NBPF4: variants seen among roughly 807,000 people sequenced by gnomAD.
NBPF4 encodes the protein NBPF family member NBPF4.
In NBPF4, 11 loss-of-function variants were observed where a neutral mutation model predicts 21.1. The observed-to-expected ratio is 0.52, with a 90% CI of 0.33 to 0.86. The LOEUF (loss-of-function observed/expected upper bound fraction) is 0.86. NBPF4 is among the 40% of genes least tolerant of loss of function. The pLI, the probability that NBPF4 is intolerant of heterozygous loss-of-function variation, is 0.03. For missense variants in NBPF4, 88 were observed against 265.3 expected, an observed-to-expected ratio of 0.33 and a Z score of 4.64; for synonymous variants, 47 against 106.4, an observed-to-expected ratio of 0.44 and a Z score of 3.43.
At chr1:108,268,471 C>T in the NBPF4 span, among the ~76,000 whole-genome samples, 34 of 151,790 alleles carry the variant, frequency 2.2e-4, no homozygotes, top group African/African-American at 8.0e-4. Context: ...AGAACATTTT[C>T]CAAGAAATTC....
upstream of NBPF4, among the ~76,000 whole-genome samples, chr1:108,246,556 C>T (rs1300170874): frequency 1.8e-5 from 2 of 111,234 alleles, 1 homozygote; most frequent in African/African-American, 6.5e-5. Flanking sequence ...CCCATCAGTG[C>T]CACTCATTGT....
chr1:108,244,947 T>TACAC (rs372222400), upstream of NBPF4, among the ~76,000 whole-genome samples: 10 of 34,958 alleles, frequency 2.9e-4, no homozygotes, highest in Admixed American at 4.3e-4. Flanking sequence ...TATATATATA[T>TACAC]ACACACACAT....
At chr1:108,225,641 A>AT (rs1467969414) in intron 14 of NBPF4, among the ~76,000 whole-genome samples, 1 of 53,282 alleles carries the variant, frequency 1.9e-5, no homozygotes, top group Non-Finnish European at 3.9e-5. Context: ...GGTTCCATGG[A>AT]TTTTAGCCTT....
At chr1:108,245,291 A>G (rs1286663214), upstream of NBPF4, among the ~76,000 whole-genome samples, 6 of 110,544 alleles carry the variant, frequency 5.4e-5, no homozygotes, top group African/African-American at 2.2e-4. Flanking sequence ...GTGAAGGAGG[A>G]GGACTGGATC....
the NBPF4 span, among the ~76,000 whole-genome samples, chr1:108,268,407 G>A: frequency 6.6e-6 from 1 of 152,176 alleles, no homozygotes; most frequent in East Asian, 1.9e-4. Context: ...TATAAAAACT[G>A]GAGGGGATGT....
chr1:108,259,646 G>C, the NBPF4 span, among the ~76,000 whole-genome samples: 2 of 144,666 alleles, frequency 1.4e-5, no homozygotes, highest in Non-Finnish European at 3.0e-5. Context: ...GCTGAGGCAG[G>C]AGGATCACTG....
the NBPF4 span, among the ~76,000 whole-genome samples, chr1:108,256,112 A>AT: frequency 7.2e-6 from 1 of 138,120 alleles, no homozygotes; most frequent in Non-Finnish European, 1.6e-5. Context: ...GAATTTATCT[A>AT]TTTTCTCTAG....
rs987454711 is a variant in NBPF4 at position 108,222,611 on chromosome 1, T to G, written c.*1094A>C. 2.0e-5 allele frequency among the ~76,000 whole-genome samples: 3 copies of G among 152,198 alleles called. No individual in the cohort carries two copies. Among genetic ancestry groups the G allele is most frequent in the Non-Finnish European group, 4.4e-5 (3 of 68,034 alleles). ...GCCAGCAAAAAGAAATTAAAATTAATTTTGGATGAAAGTTAAAATTTGGGC... is the reference window on the plus strand; with the variant it reads ...GCCAGCAAAAAGAAATTAAAATTAAGTTTGGATGAAAGTTAAAATTTGGGC... On this transcript the variant is annotated 3_prime_UTR_variant, in exon 15 of 15. Coordinates refer to ENST00000415641, the MANE Select transcript of NBPF4 (RefSeq NM_001143989.3).
At chr1:108,258,555 G>A in the NBPF4 span, among the ~76,000 whole-genome samples, 124 of 140,540 alleles carry the variant, frequency 8.8e-4, 12 homozygotes, top group East Asian at 0.013. Flanking sequence ...GGGGTCCTGC[G>A]TATTTACCAG....
upstream of NBPF4, among the ~76,000 whole-genome samples, chr1:108,244,919 T>C (rs1284316179): frequency 2.4e-5 from 1 of 42,396 alleles, no homozygotes; most frequent in Non-Finnish European, 4.4e-5. Flanking sequence ...TATATATATA[T>C]ATATATATAT....
rs575789710 is a variant in NBPF4 at position 108,222,655 on chromosome 1, C to A, written c.*1050G>T. 4.6e-5 allele frequency among the ~76,000 whole-genome samples: 7 copies of A among 152,024 alleles called. No individual in the cohort carries two copies. In the South Asian group the frequency reaches 1.2e-3, roughly 27 times the overall value. On this transcript the variant is annotated 3_prime_UTR_variant, in exon 15 of 15. Coordinates refer to ENST00000415641, the MANE Select transcript of NBPF4 (RefSeq NM_001143989.3). The stretch of plus-strand genomic sequence containing the variant: ...TTTGGGCAGGGAATGATCTTTTTTA[C>A]AAAGAATGCCAGCAAAAGCAAGTAT...
At chr1:108,264,254 G>GA in the NBPF4 span, among the ~76,000 whole-genome samples, 1 of 150,166 alleles carries the variant, frequency 6.7e-6, no homozygotes, top group African/African-American at 2.5e-5. Context: ...GTTTCTGACA[G>GA]AAAAAACTTT....
the NBPF4 span, among the ~76,000 whole-genome samples, chr1:108,264,254 GA>G: frequency 1.3e-5 from 2 of 150,166 alleles, no homozygotes; most frequent in African/African-American, 5.0e-5. Context: ...GTTTCTGACA[GA>G]AAAAACTTTA....
At chr1:108,247,026 CTA>C, upstream of NBPF4, among the ~76,000 whole-genome samples, 1 of 118,478 alleles carries the variant, frequency 8.4e-6, no homozygotes, top group South Asian at 2.9e-4. Flanking sequence ...GGCCCTGTTG[CTA>C]TGCAAAAAGA....
chr1:108,244,902 A>AT (rs1491563788), upstream of NBPF4, among the ~76,000 whole-genome samples: 1 of 4,364 alleles, frequency 2.3e-4, no homozygotes, highest in Non-Finnish European at 4.6e-4. Flanking sequence ...ATTGTTGGAG[A>AT]TATATATATA....
upstream of NBPF4, among the ~76,000 whole-genome samples, chr1:108,247,985 T>G (rs865780421): frequency 2.0e-5 from 3 of 152,078 alleles, no homozygotes; most frequent in Non-Finnish European, 2.9e-5. Context: ...GGCTATTTTT[T>G]TTTTTTAATT....
Position 108,229,032 on chromosome 1 carries a change from T to C in NBPF4, c.1548A>G (p.Leu516=). The C allele has an allele frequency of 6.5e-7, 1 of 1,550,170 alleles. No individual in the cohort carries two copies. The highest frequency in any genetic ancestry group is 1.2e-5 in the South Asian group (1 of 83,988). Residue 516 remains leucine (L), a synonymous_variant, in exon 13 of 15, where the codon CTA becomes CTG. Coordinates refer to ENST00000415641, the MANE Select transcript of NBPF4 (RefSeq NM_001143989.3). ...CACAGTGGAACCCTTGATCCAGCTG[T>C]AGTCGCAGACAACTGGGCACCAGGG... ...PSTLVPSCLR[L]QLDQGFHCGN...
chr1:108,226,684 C>T lies in NBPF4; in HGVS notation c.1870G>A (p.Ala624Thr), dbSNP rs758219588. 253 of 1,341,730 alleles carry T rather than the reference C, an allele frequency of 1.9e-4. 52 individuals are homozygous for T. The Middle Eastern group carries it at 3.1e-3, about 17-fold the overall frequency. 83.1% of individuals were successfully genotyped at this position (1,341,730 alleles called of 1,614,324 possible). Residue 624 changes from alanine to threonine, a missense_variant, in exon 14 of 15, where the codon GCA (alanine) becomes ACA (threonine). Coordinates refer to ENST00000415641, the MANE Select transcript of NBPF4 (RefSeq NM_001143989.3). Reference protein sequence around the residue: ...FRFAGPHAESAEIPNTAGRTQ... With the variant: ...FRFAGPHAESTEIPNTAGRTQ... ...TCAGCCATAGATGTGATTACCTCTGCGCTCTCAGCATGCGGGCCAGCGAAT... is the reference window on the plus strand; with the variant it reads ...TCAGCCATAGATGTGATTACCTCTGTGCTCTCAGCATGCGGGCCAGCGAAT...
At chr1:108,254,113 T>A in the NBPF4 span, among the ~76,000 whole-genome samples, 1 of 106,464 alleles carries the variant, frequency 9.4e-6, no homozygotes, top group Non-Finnish European at 2.0e-5. Flanking sequence ...TTGCTCTTGT[T>A]GCCCAGGCTG....
Sources: allele counts gnomAD v4.1 joint callset (sites outside exome capture counted in the v4.1 genomes callset), GRCh38; gene constraint gnomAD v4.1.1; transcripts MANE v1.5; gene names NCBI Gene and HGNC (gene_info 2026-07-23, HGNC 2026-07-21).